Variants in HS6ST2 observed in about 807,000 individuals in gnomAD.
HS6ST2 encodes heparan sulfate 6-O-sulfotransferase 2.
A neutral mutation model predicts 33.0 loss-of-function variants in HS6ST2; 17 were observed. That is an observed-to-expected ratio of 0.52 (90% CI 0.35 to 0.77). The LOEUF (loss-of-function observed/expected upper bound fraction) is 0.77. HS6ST2 is among the 30% of genes least tolerant of loss of function. HS6ST2 has a pLI of 0.01. For synonymous variants in HS6ST2, 248 were observed against 237.1 expected (o/e 1.05, Z -0.42); for missense variants, 519 against 551.7 (o/e 0.94, Z 0.59).
chrX:132,674,699 C>T (rs2063909909), intron 3 of HS6ST2, among the ~76,000 whole-genome samples: 1 of 112,432 alleles, frequency 8.9e-6, no homozygotes, highest in African/African-American at 3.2e-5. Flanking sequence ...TTTAAGCTGA[C>T]TAATCCCATG....
At chrX:132,648,302 C>G (rs1008648462) in intron 4 of HS6ST2, among the ~76,000 whole-genome samples, 2 of 111,360 alleles carry the variant, frequency 1.8e-5, no homozygotes, top group Non-Finnish European at 3.8e-5. Context: ...GAACCACAGA[C>G]TTTGTGCACT....
At chrX:132,794,038 T>G (rs753475947) in intron 2 of HS6ST2, among the ~76,000 whole-genome samples, 2 of 112,923 alleles carry the variant, frequency 1.8e-5, no homozygotes, top group Non-Finnish European at 3.7e-5. Flanking sequence ...CAGCACCTCA[T>G]TTGGTCTGCG....
chrX:132,791,551 A>G (rs2065119971), intron 2 of HS6ST2, among the ~76,000 whole-genome samples: 1 of 111,910 alleles, frequency 8.9e-6, no homozygotes, highest in Non-Finnish European at 1.9e-5. Context: ...TAAAACGAGC[A>G]TTTTCTTTTT....
chrX:132,766,948 A>G (rs2064853933), intron 2 of HS6ST2, among the ~76,000 whole-genome samples: 2 of 111,705 alleles, frequency 1.8e-5, no homozygotes, highest in Non-Finnish European at 3.8e-5. Context: ...AGGTTGAGTA[A>G]CTCAACTTGC....
intron 2 of HS6ST2, among the ~76,000 whole-genome samples, chrX:132,796,921 T>C (rs1223296845): frequency 8.9e-6 from 1 of 112,266 alleles, no homozygotes; most frequent in Admixed American, 9.5e-5. Context: ...GAGAGCTTAA[T>C]GTAAACCCAA....
chrX:132,794,876 C>T (rs1369603188), intron 2 of HS6ST2, among the ~76,000 whole-genome samples: 1 of 110,234 alleles, frequency 9.1e-6, no homozygotes, highest in Non-Finnish European at 1.9e-5. Flanking sequence ...CCTTCTGGCA[C>T]CCATCGCAAG....
chrX:132,797,502 C>T (rs1014080084), intron 2 of HS6ST2, among the ~76,000 whole-genome samples: 4 of 112,267 alleles, frequency 3.6e-5, no homozygotes, highest in African/African-American at 9.7e-5. Flanking sequence ...AACTTGTAAA[C>T]GTAAAGCTGT....
chrX:132,705,874 T>G (rs1477114086), intron 3 of HS6ST2, among the ~76,000 whole-genome samples: 1 of 112,054 alleles, frequency 8.9e-6, no homozygotes, highest in Non-Finnish European at 1.9e-5. Context: ...AGTGTCTCAT[T>G]GCCAGGTGAT....
At chrX:132,648,875 T>C (rs1339101686) in intron 4 of HS6ST2, among the ~76,000 whole-genome samples, 1 of 111,953 alleles carries the variant, frequency 8.9e-6, no homozygotes, top group Non-Finnish European at 1.9e-5. Flanking sequence ...CCTGGAGCCC[T>C]GGGAGGAGGT....
At chrX:132,859,607 G>A (rs1442287142) in intron 2 of HS6ST2, among the ~76,000 whole-genome samples, 1 of 101,195 alleles carries the variant, frequency 9.9e-6, no homozygotes, top group African/African-American at 3.6e-5. Flanking sequence ...AAGAGGAGGG[G>A]AGGAAAGAAA....
At chrX:132,788,880 C>A (rs932878264) in intron 2 of HS6ST2, among the ~76,000 whole-genome samples, 2 of 112,964 alleles carry the variant, frequency 1.8e-5, no homozygotes, top group African/African-American at 6.4e-5. Flanking sequence ...CTCTTCAATT[C>A]TGTAAAGGCT....
chrX:132,662,526 T>C (rs1434138799), intron 4 of HS6ST2, among the ~76,000 whole-genome samples: 1 of 112,008 alleles, frequency 8.9e-6, no homozygotes, highest in Non-Finnish European at 1.9e-5. Context: ...CAGCAGCACA[T>C]TGCCTCCCTG....
At chrX:132,638,219 A>G (rs938999936) in intron 4 of HS6ST2, among the ~76,000 whole-genome samples, 1 of 108,048 alleles carries the variant, frequency 9.3e-6, no homozygotes, top group African/African-American at 3.4e-5. Flanking sequence ...GTTCAAATCA[A>G]ACAATATTAA....
At chrX:132,635,286 A>G (rs749162575) in intron 4 of HS6ST2, among the ~76,000 whole-genome samples, 35 of 111,561 alleles carry the variant, frequency 3.1e-4, no homozygotes, top group Non-Finnish European at 6.0e-4. Flanking sequence ...TCTGAAATCC[A>G]TCCTTTGCAC....
chrX:132,722,426 A>G (rs1218800316), intron 2 of HS6ST2, among the ~76,000 whole-genome samples: 1 of 111,432 alleles, frequency 9.0e-6, no homozygotes, highest in East Asian at 2.8e-4. Context: ...AGGTATGCCA[A>G]AATAATGTTG....
chrX:132,847,890 C>T (rs1217257271), intron 2 of HS6ST2, among the ~76,000 whole-genome samples: 1 of 112,294 alleles, frequency 8.9e-6, no homozygotes, highest in Admixed American at 9.4e-5. Flanking sequence ...TTCCAAGAAG[C>T]CCAGCTAGCA....
intron 4 of HS6ST2, among the ~76,000 whole-genome samples, chrX:132,650,591 G>A (rs755550992): frequency 2.7e-5 from 3 of 110,666 alleles, no homozygotes; most frequent in African/African-American, 9.9e-5. Flanking sequence ...GTTTGCCTTT[G>A]GGGTCCTCAG....
intron 2 of HS6ST2, among the ~76,000 whole-genome samples, chrX:132,817,221 T>A (rs1025769596): frequency 4.4e-4 from 49 of 111,536 alleles, no homozygotes; most frequent in African/African-American, 1.6e-3. Flanking sequence ...TGTAGAGACC[T>A]ACATTTGAAT....
chrX:132,713,005 A>G (rs780227177), intron 2 of HS6ST2, among the ~76,000 whole-genome samples: 6 of 111,361 alleles, frequency 5.4e-5, no homozygotes, highest in African/African-American at 2.0e-4. Context: ...AGCCTAGGTG[A>G]CAGGGTGAGA....
Sources: gnomAD v4.1 joint callset for allele counts (sites outside exome capture counted in the v4.1 genomes callset) on GRCh38, gnomAD v4.1.1 for gene constraint, MANE v1.5 for transcripts, NCBI Gene and HGNC (gene_info 2026-07-23, HGNC 2026-07-21) for gene names.